HSP90AA1: variants seen among roughly 807,000 people sequenced by gnomAD.
The protein encoded by HSP90AA1 is heat shock protein HSP 90-alpha.
HSP90AA1 carries 18 observed loss-of-function variants against 73.3 expected under a neutral mutation model. That is an observed-to-expected ratio of 0.25 (90% CI 0.17 to 0.36). The LOEUF is 0.36. HSP90AA1 is among the 10% of genes least tolerant of loss of function. The probability of loss-of-function intolerance (pLI) is 1.00; values close to 1 mark genes in which losing one functional copy is unlikely to be tolerated. For missense variants in HSP90AA1, 704 were observed against 874.2 expected, an observed-to-expected ratio of 0.81 and a Z score of 2.45; for synonymous variants, 477 against 296.9, an observed-to-expected ratio of 1.61 and a Z score of -6.24.
intron 9 of HSP90AA1, chr14:102,082,811 T>G: frequency 3.6e-6 from 2 of 557,974 alleles, no homozygotes; most frequent in East Asian, 3.3e-5. Context: ...TAGTAGAGAC[T>G]GAGTTTCACC....
intron 4 of HSP90AA1, 55 bp downstream of exon 4, chr14:102,085,243 G>A (rs1013710878): frequency 6.4e-7 from 1 of 1,568,284 alleles, no homozygotes; most frequent in Non-Finnish European, 8.8e-7. Flanking sequence ...ATGTAGTACA[G>A]TCACCCCAAT....
chr14:102,120,762 G>T (rs2049766250), intron 1 of HSP90AA1, among the ~76,000 whole-genome samples: 1 of 151,794 alleles, frequency 6.6e-6, no homozygotes, highest in Admixed American at 6.6e-5. Context: ...GGCCAACATG[G>T]TGAAACCCTA....
chr14:102,083,067 G>C lies in HSP90AA1; in HGVS notation c.1722C>G (p.Ile574Met), dbSNP rs755262753. The C allele has an allele frequency of 8.1e-6, 13 of 1,613,736 alleles. No homozygotes were observed. Among genetic ancestry groups the C allele is most frequent in the South Asian group, 1.1e-5 (1 of 91,068 alleles). Reference sequence around the variant, plus strand: ...CTTTTTTCTCCAATATGTCTTTCATGATTTTGCAGAGGTTCTCAAACTTTG... The same window carrying C: ...CTTTTTTCTCCAATATGTCTTTCATCATTTTGCAGAGGTTCTCAAACTTTG... The part of the protein sequence containing the change: ...KKTKFENLCK[I>M]MKDILEKKVE... Residue 574 changes from isoleucine to methionine, a missense_variant, in exon 9 of 11, where the codon ATC becomes ATG. Physicochemically the swap from Ile to Met is conservative, Grantham distance 10 (BLOSUM62 1). Coordinates refer to ENST00000216281, the MANE Select transcript of HSP90AA1 (RefSeq NM_005348.4).
At chr14:102,102,550 T>C (rs2049507983) in intron 1 of HSP90AA1, among the ~76,000 whole-genome samples, 1 of 152,162 alleles carries the variant, frequency 6.6e-6, no homozygotes, top group Admixed American at 6.5e-5. Flanking sequence ...GTGTCCCCCT[T>C]GAAAGCCCCT....
upstream of HSP90AA1, among the ~76,000 whole-genome samples, chr14:102,090,272 C>T (rs2152616024): frequency 6.6e-6 from 1 of 152,254 alleles, no homozygotes; most frequent in African/African-American, 2.4e-5. Flanking sequence ...ACCCCACCTG[C>T]CTCCCACCAG....
At chr14:102,124,646 C>T (rs1005772744) in intron 1 of HSP90AA1, among the ~76,000 whole-genome samples, 6 of 152,132 alleles carry the variant, frequency 3.9e-5, no homozygotes, top group African/African-American at 1.4e-4. Flanking sequence ...TCAAGCAATC[C>T]TCCTGCCTCA....
chr14:102,092,105 C>T (rs1444952720), intron 2 of HSP90AA1, among the ~76,000 whole-genome samples: 4 of 149,176 alleles, frequency 2.7e-5, no homozygotes, highest in African/African-American at 5.0e-5. Flanking sequence ...CCCGCTCTGT[C>T]GCCCAGGCTG....
At chr14:102,087,786 A>G (rs1219251174), upstream of HSP90AA1, among the ~76,000 whole-genome samples, 2 of 152,166 alleles carry the variant, frequency 1.3e-5, no homozygotes, top group Non-Finnish European at 2.9e-5. Context: ...AGGGTCCCTT[A>G]GCTTGGGAAT....
chr14:102,095,903 G>C (rs756521224), intron 2 of HSP90AA1, among the ~76,000 whole-genome samples: 1 of 152,154 alleles, frequency 6.6e-6, no homozygotes, highest in Non-Finnish European at 1.5e-5. Flanking sequence ...CCACTTCCCA[G>C]TGCAGAAAAC....
At chr14:102,089,602 A>T (rs572839981), upstream of HSP90AA1, among the ~76,000 whole-genome samples, 31 of 152,156 alleles carry the variant, frequency 2.0e-4, no homozygotes, top group African/African-American at 7.5e-4. Flanking sequence ...AATCTTGTCC[A>T]GCACTCTCAC....
chr14:102,113,182 C>T (rs2049662785), intron 1 of HSP90AA1, among the ~76,000 whole-genome samples: 1 of 151,968 alleles, frequency 6.6e-6, no homozygotes, highest in South Asian at 2.1e-4. Flanking sequence ...TGCCACCACA[C>T]CTGGCTAATT....
chr14:102,082,663 C>CA (rs1160914893), intron 9 of HSP90AA1: 1 of 571,626 alleles, frequency 1.7e-6, no homozygotes, highest in East Asian at 3.1e-5. Context: ...CTCCATCACC[C>CA]AGGCTGGAGT....
intron 1 of HSP90AA1, among the ~76,000 whole-genome samples, chr14:102,109,424 C>T (rs4906180): frequency 0.72 from 108,958 of 152,030 alleles, 43,132 homozygotes; most frequent in East Asian, 0.92. Flanking sequence ...TGGGTCTTTC[C>T]TGTGCTATTC....
chr14:102,087,947 T>TTC (rs1566722909), upstream of HSP90AA1, among the ~76,000 whole-genome samples: 32 of 123,958 alleles, frequency 2.6e-4, no homozygotes, highest in Admixed American at 4.6e-4. Context: ...TTTTTTTTTT[T>TTC]TTTCTTTTTT....
At chr14:102,085,171 T>G in intron 4 of HSP90AA1, 127 bp downstream of exon 4, 2 of 1,427,498 alleles carry the variant, frequency 1.4e-6, no homozygotes, top group East Asian at 4.6e-5. Context: ...TTTTACAGAG[T>G]TAGGTAGTAG....
chr14:102,098,369 C>G (rs1318851478), intron 2 of HSP90AA1, among the ~76,000 whole-genome samples: 1 of 151,204 alleles, frequency 6.6e-6, no homozygotes, highest in African/African-American at 2.4e-5. Flanking sequence ...ACCATATTGG[C>G]CAGGTTGGTC....
chr14:102,120,617 T>C (rs1452988718), intron 1 of HSP90AA1, among the ~76,000 whole-genome samples: 3 of 152,080 alleles, frequency 2.0e-5, no homozygotes, highest in Non-Finnish European at 2.9e-5. Flanking sequence ...CAGAGTTTAA[T>C]AAAACCTATT....
At chr14:102,098,131 CT>C (rs1407805755) in intron 2 of HSP90AA1, among the ~76,000 whole-genome samples, 1 of 151,960 alleles carries the variant, frequency 6.6e-6, no homozygotes, top group Non-Finnish European at 1.5e-5. Flanking sequence ...CAAGTCTCTT[CT>C]CTTTAAGCCT....
rs1381420867 is a variant in HSP90AA1, at chr14:102,102,207, A to T, written c.156-122T>A. On this transcript the variant is annotated intron_variant, in intron 1 of 11. Coordinates refer to the HSP90AA1 transcript ENST00000334701. Reference sequence around the variant, plus strand: ...CTGGCTTCCTTAGACTTCCTCTGTGACTGTCAAATGGATTAAAATATGTGA... The same window carrying T: ...CTGGCTTCCTTAGACTTCCTCTGTGTCTGTCAAATGGATTAAAATATGTGA... 6.4e-6 allele frequency: 5 copies of T among 782,004 alleles called. No individual in the cohort carries two copies. In the East Asian group the frequency reaches 1.2e-4, roughly 20 times the overall value. The allele number at this position is 782,004 out of a possible 1,614,324, so 48.4% of individuals were successfully genotyped here.
Sources: allele counts gnomAD v4.1 joint callset (sites outside exome capture counted in the v4.1 genomes callset), GRCh38; gene constraint gnomAD v4.1.1; transcripts MANE v1.5; gene names NCBI Gene and HGNC (gene_info 2026-07-23, HGNC 2026-07-21).